The following ULK4 variants were observed in gnomAD, a reference collection of about 807,000 sequenced individuals.
The protein encoded by ULK4 is unc-51 like kinase 4.
In ULK4, 133 loss-of-function variants were observed where a neutral mutation model predicts 160.6. That is an observed-to-expected ratio of 0.83 (90% confidence interval 0.72 to 0.96). The LOEUF (loss-of-function observed/expected upper bound fraction) is 0.96, where lower values mean the gene tolerates loss of function less well. Among genes scored for constraint, ULK4 ranks in the 40% least tolerant of loss-of-function variants. ULK4 has a pLI of 0.00. For synonymous variants in ULK4, 534 were observed against 539.8 expected (o/e 0.99, Z 0.15); for missense variants, 1,580 against 1,499.5 (o/e 1.05, Z -0.89).
chr3:41,886,099 C>T (rs1239892221), intron 16 of ULK4, among the ~76,000 whole-genome samples: 1 of 152,136 alleles, frequency 6.6e-6, no homozygotes, highest in Non-Finnish European at 1.5e-5. Flanking sequence ...AACAACAATA[C>T]GTACCTCATG....
chr3:41,695,301 T>C (rs2036454814), intron 27 of ULK4, among the ~76,000 whole-genome samples: 2 of 152,186 alleles, frequency 1.3e-5, no homozygotes, highest in Admixed American at 6.5e-5. Context: ...TTATATTTCC[T>C]AACTGTTTCT....
At chr3:41,828,827 C>A (rs947890921) in intron 18 of ULK4, among the ~76,000 whole-genome samples, 1 of 152,010 alleles carries the variant, frequency 6.6e-6, no homozygotes, top group Non-Finnish European at 1.5e-5. Flanking sequence ...AAAAAGAGCC[C>A]ACATTGCCAA....
chr3:41,748,470 A>G (rs929227743), intron 22 of ULK4, among the ~76,000 whole-genome samples: 4 of 152,120 alleles, frequency 2.6e-5, no homozygotes, highest in Non-Finnish European at 5.9e-5. Context: ...CTTTAAAAGC[A>G]CTCACTTTAA....
At chr3:41,331,384 G>A (rs923771866) in intron 35 of ULK4, among the ~76,000 whole-genome samples, 38 of 152,188 alleles carry the variant, frequency 2.5e-4, no homozygotes, top group African/African-American at 9.2e-4. Flanking sequence ...CAAATGGAGT[G>A]TTCTTGGGAT....
At chr3:41,691,158 T>C (rs1027317514) in intron 27 of ULK4, among the ~76,000 whole-genome samples, 5 of 151,792 alleles carry the variant, frequency 3.3e-5, no homozygotes, top group Non-Finnish European at 5.9e-5. Flanking sequence ...CTAGGAACAT[T>C]CTAGTGGTAA....
At chr3:41,457,742 CACA>C (rs2083588250) in intron 33 of ULK4, among the ~76,000 whole-genome samples, 2 of 152,198 alleles carry the variant, frequency 1.3e-5, no homozygotes, top group Non-Finnish European at 2.9e-5. Flanking sequence ...GTGTCCCTGT[CACA>C]ACATCATGAC....
At chr3:41,438,978 TAAAA>T (rs10591684) in intron 34 of ULK4, among the ~76,000 whole-genome samples, 6 of 134,578 alleles carry the variant, frequency 4.5e-5, no homozygotes, top group African/African-American at 1.3e-4. Flanking sequence ...CAGGAAAATT[TAAAA>T]AAAAAAAAAA....
intron 27 of ULK4, among the ~76,000 whole-genome samples, chr3:41,699,326 GA>G (rs796492100): frequency 5.3e-5 from 8 of 152,194 alleles, no homozygotes; most frequent in African/African-American, 1.9e-4. Flanking sequence ...GCCTTTCCCT[GA>G]AAAATTTACA....
At chr3:41,740,969 T>C (rs1485320218) in intron 22 of ULK4, among the ~76,000 whole-genome samples, 1 of 151,976 alleles carries the variant, frequency 6.6e-6, no homozygotes, top group African/African-American at 2.4e-5. Context: ...CTAACTATTT[T>C]CCATAGTCTG....
At chr3:41,845,507 G>C (rs186369984) in intron 17 of ULK4, among the ~76,000 whole-genome samples, 3 of 152,120 alleles carry the variant, frequency 2.0e-5, no homozygotes, top group African/African-American at 7.2e-5. Context: ...GATTGGCTTC[G>C]GGGGTGGAGG....
At chr3:41,923,834 A>C (rs970246720) in intron 5 of ULK4, among the ~76,000 whole-genome samples, 1 of 152,162 alleles carries the variant, frequency 6.6e-6, no homozygotes, top group African/African-American at 2.4e-5. Context: ...AATTTCTCTA[A>C]ATCAATCAAC....
intron 17 of ULK4, among the ~76,000 whole-genome samples, chr3:41,879,881 C>T (rs1051889334): frequency 6.6e-5 from 10 of 152,282 alleles, no homozygotes; most frequent in African/African-American, 2.2e-4. Flanking sequence ...CTTTGGGAGG[C>T]TGAGGCGGAT....
At chr3:41,439,071 G>A (rs1184912586) in intron 34 of ULK4, among the ~76,000 whole-genome samples, 1 of 152,108 alleles carries the variant, frequency 6.6e-6, no homozygotes, top group Non-Finnish European at 1.5e-5. Flanking sequence ...GCCAGAGAGT[G>A]TGAAATGGGG....
At chr3:41,935,279 T>A (rs1699736493) in intron 4 of ULK4, among the ~76,000 whole-genome samples, 1 of 145,552 alleles carries the variant, frequency 6.9e-6, no homozygotes, top group African/African-American at 2.6e-5. Context: ...TAGGCTGGAG[T>A]GCAGTGGCAC....
chr3:41,391,361 A>G (rs2081953474), intron 35 of ULK4, among the ~76,000 whole-genome samples: 1 of 152,116 alleles, frequency 6.6e-6, no homozygotes, highest in South Asian at 2.1e-4. Flanking sequence ...TTGGGTACAC[A>G]GTGTTTCTCT....
chr3:41,871,933 CCT>C (rs1175165600), intron 17 of ULK4, among the ~76,000 whole-genome samples: 1 of 152,138 alleles, frequency 6.6e-6, no homozygotes, highest in Admixed American at 6.5e-5. Context: ...AACAGTTTCT[CCT>C]CTGAGCTTTC....
chr3:41,926,367 T>G (rs760711674), intron 5 of ULK4, among the ~76,000 whole-genome samples: 64 of 152,060 alleles, frequency 4.2e-4, no homozygotes, highest in African/African-American at 1.5e-3. Context: ...ACACCAAAGG[T>G]AGATAAATCC....
chr3:41,775,501 C>T (rs1333611746), intron 21 of ULK4, among the ~76,000 whole-genome samples: 12 of 149,474 alleles, frequency 8.0e-5, no homozygotes, highest in South Asian at 2.1e-4. Context: ...CAGTTTCAAG[C>T]GATTCTCCTG....
chr3:41,820,800 A>T (rs2041123429), intron 18 of ULK4, among the ~76,000 whole-genome samples: 2 of 152,194 alleles, frequency 1.3e-5, no homozygotes, highest in Non-Finnish European at 2.9e-5. Flanking sequence ...TTTTAAAAAA[A>T]GAATTAGTAC....
Sources: gnomAD v4.1 joint callset for allele counts (sites outside exome capture counted in the v4.1 genomes callset) on GRCh38, gnomAD v4.1.1 for gene constraint, MANE v1.5 for transcripts, NCBI Gene and HGNC (gene_info 2026-07-23, HGNC 2026-07-21) for gene names.